CFAP299: variants seen among roughly 807,000 people sequenced by gnomAD.
The protein encoded by CFAP299 is cilia- and flagella-associated protein 299.
In CFAP299, 21 loss-of-function variants were observed where a neutral mutation model predicts 27.0. The ratio of observed to expected loss-of-function variants is 0.78; its 90% CI spans 0.55 to 1.12. CFAP299 has a LOEUF of 1.12. Ranked by LOEUF, CFAP299 falls within the 50% of genes most tolerant of loss-of-function variation. CFAP299 has a pLI of 0.00. For synonymous variants in CFAP299, 104 were observed against 98.1 expected, an observed-to-expected ratio of 1.06 and a Z score of -0.36; for missense variants, 310 against 276.6, an observed-to-expected ratio of 1.12 and a Z score of -0.86.
At chr4:80,789,883 C>T (rs1378191500) in intron 3 of CFAP299, among the ~76,000 whole-genome samples, 2 of 152,034 alleles carry the variant, frequency 1.3e-5, no homozygotes, top group African/African-American at 2.4e-5. Context: ...TCATAGACCA[C>T]TCACCTTAAA....
At chr4:80,537,042 G>A (rs1315361884) in intron 2 of CFAP299, among the ~76,000 whole-genome samples, 2 of 151,966 alleles carry the variant, frequency 1.3e-5, no homozygotes, top group African/African-American at 4.8e-5. Context: ...ATGAGCAATG[G>A]AACTAAATAT....
intron 4 of CFAP299, among the ~76,000 whole-genome samples, chr4:80,906,685 G>A (rs1279012748): frequency 6.6e-6 from 1 of 152,186 alleles, no homozygotes; most frequent in Non-Finnish European, 1.5e-5. Context: ...GTTGGGGCTT[G>A]CACCTTCTTT....
intron 3 of CFAP299, among the ~76,000 whole-genome samples, chr4:80,860,133 C>T (rs898711153): frequency 1.3e-4 from 20 of 152,054 alleles, no homozygotes; most frequent in Non-Finnish European, 2.5e-4. Flanking sequence ...TTTCTCTAAA[C>T]TTCCCTTCTC....
rs756419721 is a variant in CFAP299 at position 80,362,802 on chromosome 4, GGA to G, written c.168_169del (p.Arg56SerfsTer7). 1 of 1,613,520 alleles carries G rather than the reference GGA, an allele frequency of 6.2e-7. No homozygotes were observed. The highest frequency in any genetic ancestry group is 1.7e-5 in the Admixed American group (1 of 59,734). The stretch of plus-strand genomic sequence containing the variant: ...GGTGGAGCTAGGCTACCGAGGGACT[GGA>G]GAGAGAGTGAAAAGGGAAGATTTTG... ...QLVELGYRGTGERVKREDFEA... is the reference protein window; with the variant it reads ...QLVELGYRGTXERVKREDFEA... On this transcript the variant is annotated frameshift_variant, in exon 2 of 6. Transcript: ENST00000358105. LOFTEE classifies it high-confidence loss of function.
chr4:80,708,798 T>TA (rs965280702), intron 3 of CFAP299, among the ~76,000 whole-genome samples: 7 of 152,100 alleles, frequency 4.6e-5, no homozygotes, highest in Middle Eastern at 3.4e-3. Flanking sequence ...TGATGCATTA[T>TA]AAAAAAATGC....
At chr4:80,469,274 T>C (rs2110114187) in intron 2 of CFAP299, among the ~76,000 whole-genome samples, 1 of 152,362 alleles carries the variant, frequency 6.6e-6, no homozygotes, top group South Asian at 2.1e-4. Context: ...CAACAACCAT[T>C]GTTCTGGGCT....
chr4:80,575,571 T>C (rs1182045857), intron 2 of CFAP299, among the ~76,000 whole-genome samples: 1 of 152,014 alleles, frequency 6.6e-6, no homozygotes, highest in African/African-American at 2.4e-5. Flanking sequence ...GTTTGCTGAT[T>C]GTATCTTTTC....
At chr4:80,447,555 G>GTAGCGGTTCTCCTGCCTCAGCTTT (rs1455182771) in intron 2 of CFAP299, among the ~76,000 whole-genome samples, 4 of 151,996 alleles carry the variant, frequency 2.6e-5, no homozygotes, top group Non-Finnish European at 5.9e-5. Flanking sequence ...GCCTCAGCTT[G>GTAGCGGTTCTCCTGCCTCAGCTTT]TAGCGGTTCC....
intron 2 of CFAP299, among the ~76,000 whole-genome samples, chr4:80,390,851 A>G (rs909956079): frequency 6.9e-6 from 1 of 144,096 alleles, no homozygotes; most frequent in African/African-American, 2.6e-5. Flanking sequence ...ATACACATAT[A>G]TGTATATGTA....
chr4:80,883,879 T>C (rs114387965), intron 4 of CFAP299, among the ~76,000 whole-genome samples: 6,310 of 152,250 alleles, frequency 0.041, 390 homozygotes, highest in African/African-American at 0.13. Context: ...TTTACTTTTA[T>C]TTTAAGTTCA....
intron 1 of CFAP299, among the ~76,000 whole-genome samples, chr4:80,350,554 CT>C (rs1247155372): frequency 6.6e-6 from 1 of 152,146 alleles, no homozygotes; most frequent in Non-Finnish European, 1.5e-5. Flanking sequence ...CAATGATATA[CT>C]GGATAAAGAA....
chr4:80,501,293 T>A (rs1731730830), intron 2 of CFAP299, among the ~76,000 whole-genome samples: 1 of 151,616 alleles, frequency 6.6e-6, no homozygotes. Context: ...ATACTATGCT[T>A]AATGGTAGAC....
At position 80,840,494 on chromosome 4, in the gene CFAP299, C is replaced by T. The variant is rs1730804804; in HGVS notation, c.334-29499C>T. 2.0e-5 allele frequency among the ~76,000 whole-genome samples: 3 copies of T among 152,188 alleles called. No individual in the cohort carries two copies. In the East Asian group the frequency reaches 5.8e-4, roughly 29 times the overall value. On this transcript the variant is annotated intron_variant, in intron 3 of 5. Transcript: ENST00000358105. The stretch of plus-strand genomic sequence containing the variant: ...TACATGGGCAGATAAGAAAGATAAA[C>T]ACACATTTATTATTTTTTTATCTTC...
intron 3 of CFAP299, among the ~76,000 whole-genome samples, chr4:80,658,073 A>G (rs569481051): frequency 6.6e-6 from 1 of 152,298 alleles, no homozygotes; most frequent in South Asian, 2.1e-4. Flanking sequence ...ATTTTTGCAC[A>G]TTGATTTTGT....
intron 2 of CFAP299, among the ~76,000 whole-genome samples, chr4:80,399,975 T>C (rs887784395): frequency 3.3e-5 from 5 of 152,226 alleles, no homozygotes; most frequent in African/African-American, 1.2e-4. Context: ...TCCTTGAAAG[T>C]AATTAACATT....
chr4:80,821,886 T>A (rs1357591916), intron 3 of CFAP299, among the ~76,000 whole-genome samples: 2 of 149,724 alleles, frequency 1.3e-5, no homozygotes, highest in Admixed American at 6.6e-5. Flanking sequence ...CCTGGCTCAG[T>A]ACACAACACA....
intron 2 of CFAP299, among the ~76,000 whole-genome samples, chr4:80,461,035 T>A (rs1041152798): frequency 2.0e-5 from 3 of 152,096 alleles, no homozygotes; most frequent in Non-Finnish European, 2.9e-5. Context: ...GGCTACCAGG[T>A]CATAGGTAGA....
chr4:80,618,162 T>C (rs1167823103), intron 3 of CFAP299, among the ~76,000 whole-genome samples: 1 of 152,114 alleles, frequency 6.6e-6, no homozygotes. Context: ...TGGTCATGGT[T>C]GAAAGTCAAG....
At chr4:80,342,573 T>G (rs1423759042) in intron 1 of CFAP299, among the ~76,000 whole-genome samples, 1 of 152,154 alleles carries the variant, frequency 6.6e-6, no homozygotes, top group Non-Finnish European at 1.5e-5. Flanking sequence ...CAAGCTAAGC[T>G]TCATTAGCAC....
Sources: allele counts gnomAD v4.1 joint callset (sites outside exome capture counted in the v4.1 genomes callset), GRCh38; gene constraint gnomAD v4.1.1; transcripts MANE v1.5; gene names NCBI Gene and HGNC (gene_info 2026-07-23, HGNC 2026-07-21).